The following POM121 variants were observed in gnomAD, a reference collection of about 807,000 sequenced individuals.
POM121 encodes the protein nuclear envelope pore membrane protein POM 121.
Under a neutral mutation model 81.3 loss-of-function variants are expected in POM121, and 32 were observed. The observed-to-expected ratio is 0.39, with a 90% CI of 0.30 to 0.53. POM121 has a LOEUF of 0.53. Among genes scored for constraint, POM121 ranks in the 20% least tolerant of loss-of-function variants. The pLI is 0.66. For missense variants in POM121, 1,138 were observed against 1,614.6 expected (o/e 0.70, Z 5.06); for synonymous variants, 514 against 694.2 (o/e 0.74, Z 4.08).
chr7:72,881,566 C>G (rs1321608565), intron 1 of POM121, among the ~76,000 whole-genome samples: 2 of 151,422 alleles, frequency 1.3e-5, no homozygotes, highest in African/African-American at 4.9e-5. Context: ...AGTTTTCCTG[C>G]TTGTGTATAT....
intron 3 of POM121, among the ~76,000 whole-genome samples, chr7:72,909,814 A>AT (rs1281371754): frequency 6.6e-6 from 1 of 152,004 alleles, no homozygotes; most frequent in Admixed American, 6.6e-5. Flanking sequence ...TGCCCAGCTA[A>AT]TTTTTTATAT....
chr7:72,904,727 A>T (rs1793067286), intron 3 of POM121, among the ~76,000 whole-genome samples: 2 of 152,204 alleles, frequency 1.3e-5, no homozygotes, highest in Non-Finnish European at 2.9e-5. Flanking sequence ...ACACTGCTGG[A>T]AAGAATTGCC....
upstream of POM121, among the ~76,000 whole-genome samples, chr7:72,920,342 G>A (rs1455542468): frequency 6.8e-6 from 1 of 147,206 alleles, no homozygotes; most frequent in Non-Finnish European, 1.5e-5. Context: ...TTTGAGTAAT[G>A]GTCTTTTTTT....
At chr7:72,894,492 C>T (rs1218698387) in intron 3 of POM121, among the ~76,000 whole-genome samples, 2 of 151,196 alleles carry the variant, frequency 1.3e-5, no homozygotes, top group East Asian at 1.9e-4. Context: ...GCAGGAGAAT[C>T]GCTTGAACCT....
rs781952314 is a variant in POM121, at chr7:72,945,713, G to C, written c.3652+5G>C. ...TTGTTGGTGTTGCACCTTTCGGTAA[G>C]CAGCAAGCCACCCTGTGGCCCTGCT... On this transcript the variant is annotated splice_donor_5th_base_variant and intron_variant, in intron 12 of 12. Coordinates refer to ENST00000434423, the MANE Select transcript of POM121 (RefSeq NM_001387691.1). 5 of 1,607,294 alleles carry C rather than the reference G, an allele frequency of 3.1e-6. No individual in the cohort carries two copies. Among genetic ancestry groups the C allele is most frequent in the East Asian group, 2.2e-5 (1 of 44,734 alleles).
intron 3 of POM121, among the ~76,000 whole-genome samples, chr7:72,893,354 C>T (rs1219673192): frequency 2.9e-4 from 44 of 152,022 alleles, no homozygotes; most frequent in African/African-American, 5.5e-4. Context: ...GAGGCCGAGG[C>T]GGGCGGATCA....
chr7:72,946,307 T>C lies in POM121; in HGVS notation c.*73T>C, dbSNP rs1201650324. On this transcript the variant is annotated 3_prime_UTR_variant, in exon 13 of 13. Transcript: ENST00000434423. ...CCTTGGCACCTGCTAGGAAGAGCCTTGGACCCTTCCAGTTGCGTAAAGCAA... is the reference window on the plus strand; with the variant it reads ...CCTTGGCACCTGCTAGGAAGAGCCTCGGACCCTTCCAGTTGCGTAAAGCAA... 6.4e-6 allele frequency: 10 copies of C among 1,571,638 alleles called. No homozygotes were observed. The highest frequency in any genetic ancestry group is 8.6e-6 in the Non-Finnish European group (10 of 1,159,802).
intron 4 of POM121, among the ~76,000 whole-genome samples, chr7:72,919,319 A>G (rs1162202559): frequency 4.6e-5 from 7 of 152,006 alleles, no homozygotes; most frequent in Admixed American, 4.6e-4. Context: ...AAGAGATTTA[A>G]AAAGGAAAAA....
intron 1 of POM121, among the ~76,000 whole-genome samples, chr7:72,881,052 C>G (rs1203487444): frequency 4.0e-5 from 3 of 74,560 alleles, no homozygotes; most frequent in Admixed American, 3.1e-4. Flanking sequence ...CAGGCGCATG[C>G]TTCCCCTATC....
In POM121 at chr7:72,947,014, C is replaced by CA. The variant is rs1554503454; in HGVS notation, c.*780_*781insA. ...ACCGCTGCTTCAGCTGCCTCCTCGC[C>CA]CAGCTACCCTTTGGCCCCATTGGGC... On this transcript the variant is annotated 3_prime_UTR_variant, in exon 13 of 13. Transcript: ENST00000434423. The CA allele has an allele frequency of 1.1e-6, 1 of 924,984 alleles. No homozygotes were observed. The highest frequency in any genetic ancestry group is 1.3e-6 in the Non-Finnish European group (1 of 790,422). The allele number at this position is 924,984 out of a possible 1,614,324, so 57.3% of individuals were successfully genotyped here.
intron 5 of POM121, among the ~76,000 whole-genome samples, chr7:72,936,533 T>G (rs1796529029): frequency 6.6e-6 from 1 of 152,224 alleles, no homozygotes; most frequent in Non-Finnish European, 1.5e-5. Context: ...CACCTTGGCC[T>G]CCCAAAGTGG....
intron 3 of POM121, among the ~76,000 whole-genome samples, chr7:72,908,867 C>G (rs1433967420): frequency 2.0e-5 from 3 of 152,074 alleles, no homozygotes; most frequent in African/African-American, 7.2e-5. Context: ...GTTCTTTTTT[C>G]AAGGTGCCCA....
At chr7:72,938,521 G>A in intron 5 of POM121, 69 bp from the exon 6 acceptor site, 1 of 1,498,938 alleles carries the variant, frequency 6.7e-7, no homozygotes, top group East Asian at 2.3e-5. Flanking sequence ...CTTGAAAAGA[G>A]ACTTTGTCGT....
intron 5 of POM121, among the ~76,000 whole-genome samples, chr7:72,933,617 G>A (rs1265071629): frequency 4.6e-5 from 7 of 152,220 alleles, no homozygotes; most frequent in African/African-American, 1.7e-4. Flanking sequence ...CGCGTTGCTG[G>A]TGGGAGTGTC....
At chr7:72,921,215 A>C (rs781907803), upstream of POM121, among the ~76,000 whole-genome samples, 5 of 152,106 alleles carry the variant, frequency 3.3e-5, no homozygotes, top group Admixed American at 6.6e-5. Context: ...AATAAAGAAA[A>C]GACTACCTCA....
chr7:72,941,120 C>T (rs1797019585), intron 10 of POM121, 127 bp downstream of exon 10: 1 of 616,384 alleles, frequency 1.6e-6, no homozygotes, highest in Non-Finnish European at 2.9e-6. Flanking sequence ...TGGCTCAGCA[C>T]ACCGGAGCGG....
chr7:72,933,142 C>T (rs75827332), intron 5 of POM121, among the ~76,000 whole-genome samples: 1,620 of 151,628 alleles, frequency 0.011, 16 homozygotes, highest in Non-Finnish European at 0.016. Flanking sequence ...ACCTGAAATC[C>T]GGAGTTTGAG....
chr7:72,948,524 T>C (rs782492399), downstream of POM121: 10 of 1,613,136 alleles, frequency 6.2e-6, no homozygotes, highest in Non-Finnish European at 7.6e-6. Flanking sequence ...CTGCAGCTTT[T>C]TGCTCTCTTC....
At chr7:72,914,776 C>G (rs1257984556) in intron 4 of POM121, among the ~76,000 whole-genome samples, 1 of 152,064 alleles carries the variant, frequency 6.6e-6, no homozygotes, top group South Asian at 2.1e-4. Context: ...GTGTGTGTTT[C>G]TCCTTTTCGT....
Sources: gnomAD v4.1 joint callset for allele counts (sites outside exome capture counted in the v4.1 genomes callset) on GRCh38, gnomAD v4.1.1 for gene constraint, MANE v1.5 for transcripts, NCBI Gene and HGNC (gene_info 2026-07-23, HGNC 2026-07-21) for gene names.